Variants in SCARB2 observed in about 807,000 individuals in gnomAD.
SCARB2 encodes the protein scavenger receptor class B member 2, also known as lysosome membrane protein 2.
In SCARB2, 29 loss-of-function variants were observed where a neutral mutation model predicts 58.6. The ratio of observed to expected loss-of-function variants is 0.49; its 90% CI spans 0.37 to 0.67. The LOEUF (loss-of-function observed/expected upper bound fraction) is 0.67. SCARB2 is among the 30% of genes least tolerant of loss of function. The pLI, the probability that SCARB2 is intolerant of heterozygous loss-of-function variation, is 0.00. For missense variants in SCARB2, 488 were observed against 578.5 expected, an observed-to-expected ratio of 0.84 and a Z score of 1.60; for synonymous variants, 195 against 210.1, an observed-to-expected ratio of 0.93 and a Z score of 0.62.
chr4:76,198,916 G>C (rs1359263572), intron 1 of SCARB2, among the ~76,000 whole-genome samples: 1 of 152,016 alleles, frequency 6.6e-6, no homozygotes, highest in African/African-American at 2.4e-5. Context: ...TGGGGAATGA[G>C]AGAACAGAGG....
chr4:76,199,697 C>G (rs928496077), intron 1 of SCARB2, among the ~76,000 whole-genome samples: 3 of 152,216 alleles, frequency 2.0e-5, no homozygotes, highest in Admixed American at 6.5e-5. Context: ...TCTGAACTCT[C>G]AGGGTTTCCT....
chr4:76,181,954 G>T (rs1198673882), intron 2 of SCARB2, among the ~76,000 whole-genome samples: 1 of 152,162 alleles, frequency 6.6e-6, no homozygotes, highest in South Asian at 2.1e-4. Flanking sequence ...TGGTGCCAGG[G>T]CTGGGCCTAG....
chr4:76,216,707 C>T (rs760482624), upstream of SCARB2, among the ~76,000 whole-genome samples: 1 of 152,162 alleles, frequency 6.6e-6, no homozygotes, highest in Non-Finnish European at 1.5e-5. Context: ...CTATGTCAGG[C>T]GGTTAGTAAG....
rs922518156 is a variant in SCARB2, at chr4:76,211,179, T to G, written c.117+2248A>C. 2.0e-5 allele frequency among the ~76,000 whole-genome samples: 3 copies of G among 152,220 alleles called. No homozygotes were observed. In the East Asian group the frequency reaches 5.8e-4, roughly 29 times the overall value. On this transcript the variant is annotated intron_variant, in intron 1 of 11. Coordinates refer to ENST00000264896, the MANE Select transcript of SCARB2 (RefSeq NM_005506.4). ...GAAGCTTATACAATTTGAAGGGTCCTTCTTAAGAAAAAAGAAAATTTGGGA... is the reference window on the plus strand; with the variant it reads ...GAAGCTTATACAATTTGAAGGGTCCGTCTTAAGAAAAAAGAAAATTTGGGA...
chr4:76,166,072 A>G, intron 10 of SCARB2, 178 bp downstream of exon 10: 1 of 711,742 alleles, frequency 1.4e-6, no homozygotes, highest in South Asian at 1.7e-5. Context: ...TCTCCAAATC[A>G]GCTCTCAGAC....
At chr4:76,166,534 C>T in intron 9 of SCARB2, 1 of 589,128 alleles carries the variant, frequency 1.7e-6, no homozygotes, top group Non-Finnish European at 3.0e-6. Flanking sequence ...AAGGCAGATT[C>T]CTTAAAATGA....
At chr4:76,206,607 T>C (rs1183576980) in intron 1 of SCARB2, among the ~76,000 whole-genome samples, 2 of 151,788 alleles carry the variant, frequency 1.3e-5, no homozygotes, top group African/African-American at 4.8e-5. Context: ...TTACTGACCA[T>C]CTATTTTGAA....
chr4:76,189,792 C>G lies in SCARB2; in HGVS notation c.275+5915G>C, dbSNP rs550274606. 7.2e-5 allele frequency among the ~76,000 whole-genome samples: 11 copies of G among 152,080 alleles called. No homozygotes were observed. The East Asian group carries it at 1.7e-3, about 24-fold the overall frequency. The stretch of plus-strand genomic sequence containing the variant: ...CAACCAAAAGGGTTTTTTAAAAAGT[C>G]CCTTATAAAACCATCAGATCTCGTG... On this transcript the variant is annotated intron_variant, in intron 2 of 11. Coordinates refer to ENST00000264896, the MANE Select transcript of SCARB2 (RefSeq NM_005506.4).
rs201272073 is a variant in SCARB2 at position 76,192,681 on chromosome 4, C to CA, written c.275+3025dup. 9.5e-4 allele frequency: 132 copies of CA among 139,376 alleles called. No homozygotes were observed. The Middle Eastern group carries it at 0.015, about 16-fold the overall frequency. The allele number at this position is 139,376 out of a possible 1,614,324, so 8.6% of individuals were successfully genotyped here. On this transcript the variant is annotated intron_variant, in intron 2 of 11. Coordinates refer to ENST00000264896, the MANE Select transcript of SCARB2 (RefSeq NM_005506.4). ...TGGGCAACATAGGGAGACTCTGTCT[C>CA]AAAAAAAAAAAAAGTTAAAAATTAG...
chr4:76,227,726 C>T (rs1474795307), intron 1 of SCARB2, among the ~76,000 whole-genome samples: 1 of 152,100 alleles, frequency 6.6e-6, no homozygotes, highest in African/African-American at 2.4e-5. Flanking sequence ...TGAGTATATA[C>T]TTAGGATTGT....
intron 1 of SCARB2, chr4:76,213,037 C>G: frequency 3.4e-6 from 1 of 296,270 alleles, no homozygotes; most frequent in Non-Finnish European, 6.7e-6. Flanking sequence ...CTACAGCAAG[C>G]AGACAACATA....
At chr4:76,187,818 AT>A (rs1415279667) in intron 2 of SCARB2, among the ~76,000 whole-genome samples, 2 of 152,102 alleles carry the variant, frequency 1.3e-5, no homozygotes, top group African/African-American at 4.8e-5. Context: ...GAACACATAT[AT>A]ATGTGTAATT....
At chr4:76,165,585 A>C (rs1731990295) in intron 10 of SCARB2, 1 of 152,172 alleles carries the variant, frequency 6.6e-6, no homozygotes, top group African/African-American at 2.4e-5. Flanking sequence ...ATTGAGTAAA[A>C]TAAAATAAAA....
intron 4 of SCARB2, among the ~76,000 whole-genome samples, chr4:76,178,747 T>C (rs1732315985): frequency 6.6e-6 from 1 of 152,192 alleles, no homozygotes; most frequent in African/African-American, 2.4e-5. Context: ...CTCTCACACA[T>C]ATAATTTTTT....
At chr4:76,176,413 C>A (rs180948007) in intron 5 of SCARB2, 24 bp downstream of exon 5, 2 of 1,515,452 alleles carry the variant, frequency 1.3e-6, no homozygotes, top group South Asian at 1.1e-5. Flanking sequence ...AAAAATAATT[C>A]CACTGATAAA....
chr4:76,179,820 T>G, intron 3 of SCARB2, 115 bp from the exon 4 acceptor site: 1 of 854,460 alleles, frequency 1.2e-6, no homozygotes, highest in Non-Finnish European at 2.0e-6. Flanking sequence ...AGGTTGAGAT[T>G]AAATAGCTGA....
intron 1 of SCARB2, among the ~76,000 whole-genome samples, chr4:76,207,353 TC>T (rs1464331229): frequency 6.6e-5 from 10 of 152,354 alleles, no homozygotes; most frequent in African/African-American, 2.4e-4. Flanking sequence ...TTTGGGGTCC[TC>T]AATAATTTTT....
chr4:76,207,370 T>C (rs1340583966), intron 1 of SCARB2, among the ~76,000 whole-genome samples: 1 of 152,224 alleles, frequency 6.6e-6, no homozygotes, highest in Non-Finnish European at 1.5e-5. Context: ...TTTTTAAGAA[T>C]ATGAGGGGCC....
chr4:76,234,218 TGG>T (rs1733544053), intron 1 of SCARB2: 1 of 152,290 alleles, frequency 6.6e-6, no homozygotes, highest in Non-Finnish European at 1.5e-5. Context: ...TGCGGGGGTG[TGG>T]GCATGATTTC....
Sources: allele counts gnomAD v4.1 joint callset (sites outside exome capture counted in the v4.1 genomes callset), GRCh38; gene constraint gnomAD v4.1.1; transcripts MANE v1.5; gene names NCBI Gene and HGNC (gene_info 2026-07-23, HGNC 2026-07-21).